The following STIM2 variants were observed in gnomAD, a reference collection of about 807,000 sequenced individuals.
STIM2 encodes the protein stromal interaction molecule 2.
Under a neutral mutation model 85.8 loss-of-function variants are expected in STIM2, and 31 were observed. The ratio of observed to expected loss-of-function variants is 0.36; its 90% CI spans 0.27 to 0.49. The LOEUF is 0.49. STIM2 is among the 20% of genes least tolerant of loss of function. The pLI, the probability that STIM2 is intolerant of heterozygous loss-of-function variation, is 0.98. For missense variants in STIM2, 841 were observed against 927.6 expected (o/e 0.91, Z 1.21); for synonymous variants, 356 against 331.1 (o/e 1.08, Z -0.82).
intron 2 of STIM2, among the ~76,000 whole-genome samples, chr4:26,953,119 A>G (rs1035220391): frequency 2.6e-5 from 4 of 152,112 alleles, no homozygotes; most frequent in Admixed American, 6.5e-5. Flanking sequence ...CTCTGCTTAC[A>G]TTGTCAGTAA....
chr4:26,893,519 C>T (rs1723575583), intron 1 of STIM2, among the ~76,000 whole-genome samples: 1 of 152,074 alleles, frequency 6.6e-6, no homozygotes, highest in Non-Finnish European at 1.5e-5. Flanking sequence ...TTGCTGTATT[C>T]CAATTTTGAA....
intron 1 of STIM2, among the ~76,000 whole-genome samples, chr4:26,903,734 CAAAG>C (rs1466689054): frequency 1.3e-5 from 2 of 152,114 alleles, no homozygotes; most frequent in East Asian, 1.9e-4. Flanking sequence ...GGAGAAAAAA[CAAAG>C]AAGGCAGCAG....
chr4:26,945,789 T>C (rs1209358244), intron 2 of STIM2, among the ~76,000 whole-genome samples: 2 of 152,162 alleles, frequency 1.3e-5, no homozygotes, highest in Non-Finnish European at 2.9e-5. Flanking sequence ...CACTTTTTAA[T>C]GGGGTTTTTT....
chr4:27,001,146 T>C (rs1357372962), intron 5 of STIM2, among the ~76,000 whole-genome samples: 2 of 152,200 alleles, frequency 1.3e-5, no homozygotes, highest in African/African-American at 4.8e-5. Context: ...TGTAGAACTC[T>C]TTTATGTCAC....
intron 2 of STIM2, among the ~76,000 whole-genome samples, chr4:26,943,139 T>C (rs1328021502): frequency 6.6e-6 from 1 of 152,108 alleles, no homozygotes; most frequent in Non-Finnish European, 1.5e-5. Context: ...TGGGATTCAT[T>C]AATTTATTAA....
intron 2 of STIM2, among the ~76,000 whole-genome samples, chr4:26,930,010 AC>A (rs1222469915): frequency 2.6e-5 from 4 of 152,134 alleles, no homozygotes; most frequent in Non-Finnish European, 5.9e-5. Context: ...CTATGTTAAA[AC>A]TGAATTTGGA....
At chr4:26,921,245 A>G (rs1450354651) in intron 2 of STIM2, among the ~76,000 whole-genome samples, 1 of 152,216 alleles carries the variant, frequency 6.6e-6, no homozygotes, top group African/African-American at 2.4e-5. Flanking sequence ...AAAGGCATGG[A>G]ACAGATTCTC....
chr4:26,891,590 C>T (rs1723488552), intron 1 of STIM2, among the ~76,000 whole-genome samples: 1 of 151,066 alleles, frequency 6.6e-6, no homozygotes, highest in Non-Finnish European at 1.5e-5. Context: ...CACACACACA[C>T]ACACACACCC....
chr4:26,999,642 A>T (rs1329492204), intron 5 of STIM2, among the ~76,000 whole-genome samples: 1 of 152,192 alleles, frequency 6.6e-6, no homozygotes, highest in Non-Finnish European at 1.5e-5. Context: ...AGGAGTTTTA[A>T]TGTTGATGTT....
chr4:26,916,078 A>G (rs1198234347), intron 1 of STIM2, among the ~76,000 whole-genome samples: 1 of 152,220 alleles, frequency 6.6e-6, no homozygotes, highest in Admixed American at 6.5e-5. Flanking sequence ...CTTTTTTAGC[A>G]GGTTGTATAT....
At position 26,861,084 on chromosome 4, in the gene STIM2, C is replaced by A. The variant is rs1237319743; in HGVS notation, c.-135C>A. On this transcript the variant is annotated 5_prime_UTR_variant, in exon 1 of 12. Transcript: ENST00000467087. Reference sequence around the variant, plus strand: ...GGAGTCGCCGGCGGCGGTGGTGGCGCCTCGCGGAGCCGGCGAGCTGCAGGC... The same window carrying A: ...GGAGTCGCCGGCGGCGGTGGTGGCGACTCGCGGAGCCGGCGAGCTGCAGGC... 1.1e-5 allele frequency: 13 copies of A among 1,193,484 alleles called. No homozygotes were observed. The African/African-American group carries it at 2.1e-4, about 19-fold the overall frequency. The allele number at this position is 1,193,484 out of a possible 1,614,324, so 73.9% of individuals were successfully genotyped here.
At chr4:27,010,552 A>G (rs1728524066) in intron 10 of STIM2, among the ~76,000 whole-genome samples, 1 of 152,210 alleles carries the variant, frequency 6.6e-6, no homozygotes, top group Non-Finnish European at 1.5e-5. Flanking sequence ...GGCACCACAG[A>G]GGTACTCCAC....
At position 26,885,859 on chromosome 4, in the gene STIM2, A is replaced by ATATATATG. The variant is rs1560194659; in HGVS notation, c.151+24497_151+24498insGTATATAT. 3.7e-3 allele frequency among the ~76,000 whole-genome samples: 331 copies of ATATATATG among 89,426 alleles called. 18 individuals are homozygous for ATATATATG. Among genetic ancestry groups the ATATATATG allele is most frequent in the Non-Finnish European group, 6.0e-3 (263 of 44,026 alleles). 58.7% of individuals were successfully genotyped at this position (89,426 alleles called of 152,430 possible). The stretch of plus-strand genomic sequence containing the variant: ...TATATATATATATATATATATATAT[A>ATATATATG]TATATATATATATATGTATATGTCT... On this transcript the variant is annotated intron_variant, in intron 1 of 11. Coordinates refer to ENST00000467087, the MANE Select transcript of STIM2 (RefSeq NM_020860.4).
At chr4:26,971,913 C>T (rs1726970713) in intron 3 of STIM2, among the ~76,000 whole-genome samples, 1 of 152,122 alleles carries the variant, frequency 6.6e-6, no homozygotes, top group Non-Finnish European at 1.5e-5. Flanking sequence ...TCTTTTATTT[C>T]CTTGAGCAGT....
At chr4:27,004,524 A>C (rs1461153872) in intron 7 of STIM2, among the ~76,000 whole-genome samples, 2 of 152,160 alleles carry the variant, frequency 1.3e-5, no homozygotes, top group Non-Finnish European at 1.5e-5. Context: ...AAAAGAGCGA[A>C]TCAGAAAACA....
At chr4:27,013,398 CAT>C (rs748171650) in intron 10 of STIM2, among the ~76,000 whole-genome samples, 94 of 151,926 alleles carry the variant, frequency 6.2e-4, no homozygotes, top group Non-Finnish European at 1.0e-3. Context: ...ATAGGAAAAA[CAT>C]AGTGTGTATA....
In STIM2 at chr4:26,860,855, C is replaced by T. The variant is rs1382973914; in HGVS notation, c.-364C>T. ...TTGGCGGCGCCAGAGCAGCGGATCC[C>T]GGTCTCGCCGCAGCAGCAGCGCGGG... On this transcript the variant is annotated 5_prime_UTR_variant, in exon 1 of 12. Coordinates refer to ENST00000467087, the MANE Select transcript of STIM2 (RefSeq NM_020860.4). 5 of 777,566 alleles carry T rather than the reference C, an allele frequency of 6.4e-6. No individual in the cohort carries two copies. In the South Asian group the frequency reaches 1.9e-4, roughly 29 times the overall value. The allele number at this position is 777,566 out of a possible 1,614,324, so 48.2% of individuals were successfully genotyped here.
At chr4:26,897,327 C>G (rs887726228) in intron 1 of STIM2, among the ~76,000 whole-genome samples, 6 of 152,108 alleles carry the variant, frequency 3.9e-5, no homozygotes, top group Non-Finnish European at 2.9e-5. Context: ...TTGTAATAGG[C>G]CTATGGTGCT....
intron 1 of STIM2, among the ~76,000 whole-genome samples, chr4:26,904,512 G>A (rs887021427): frequency 2.6e-5 from 4 of 152,088 alleles, no homozygotes; most frequent in African/African-American, 9.7e-5. Context: ...TGTGGCAAAT[G>A]CTTACTTATA....
Sources: allele counts gnomAD v4.1 joint callset (sites outside exome capture counted in the v4.1 genomes callset), GRCh38; gene constraint gnomAD v4.1.1; transcripts MANE v1.5; gene names NCBI Gene and HGNC (gene_info 2026-07-23, HGNC 2026-07-21).